XPNPEP3: variants seen among roughly 807,000 people sequenced by gnomAD.
XPNPEP3 encodes the protein xaa-Pro aminopeptidase 3.
In XPNPEP3, 41 loss-of-function variants were observed where a neutral mutation model predicts 60.0. The ratio of observed to expected loss-of-function variants is 0.68; its 90% CI spans 0.53 to 0.89. The LOEUF (loss-of-function observed/expected upper bound fraction) is 0.89. Among genes scored for constraint, XPNPEP3 ranks in the 40% least tolerant of loss-of-function variants. The probability of loss-of-function intolerance (pLI) is 0.00; values close to 1 mark genes in which losing one functional copy is unlikely to be tolerated. For synonymous variants in XPNPEP3, 212 were observed against 223.2 expected (o/e 0.95, Z 0.45); for missense variants, 598 against 638.9 (o/e 0.94, Z 0.69).
chr22:40,923,256 A>G (rs1178903030), intron 8 of XPNPEP3, among the ~76,000 whole-genome samples: 1 of 151,820 alleles, frequency 6.6e-6, no homozygotes, highest in African/African-American at 2.4e-5. Context: ...TAATCCTTTT[A>G]TGGGTTATTC....
intron 9 of XPNPEP3, 152 bp from the exon 10 acceptor site, chr22:40,926,117 A>C: frequency 1.3e-6 from 1 of 777,278 alleles, no homozygotes; most frequent in Non-Finnish European, 2.2e-6. Flanking sequence ...GACATGTATT[A>C]TCTCATTTAA....
intron 6 of XPNPEP3, among the ~76,000 whole-genome samples, chr22:40,909,962 T>C (rs1358062386): frequency 6.6e-6 from 1 of 151,992 alleles, no homozygotes; most frequent in Admixed American, 6.6e-5. Flanking sequence ...TTTTAAGAAA[T>C]TGCTGTTAGC....
chr22:40,881,689 T>A, intron 2 of XPNPEP3, 81 bp from the exon 3 acceptor site: 5 of 1,490,498 alleles, frequency 3.4e-6, no homozygotes, highest in Non-Finnish European at 4.7e-6. Context: ...TGGACTTGAG[T>A]ATTTCCATCT....
intron 4 of XPNPEP3, chr22:40,907,156 T>A (rs2058159056): frequency 2.2e-6 from 1 of 457,182 alleles, no homozygotes; most frequent in South Asian, 1.5e-5. Flanking sequence ...GCACGGTGGC[T>A]CACGCCTGTA....
At position 40,884,889 on chromosome 22, in the gene XPNPEP3, G is replaced by A. The variant is rs139229259; in HGVS notation, c.590-1424G>A. 8.9e-3 allele frequency among the ~76,000 whole-genome samples: 1,355 copies of A among 151,766 alleles called. 20 individuals are homozygous for A. The highest frequency in any genetic ancestry group is 0.032 in the African/African-American group (1,310 of 41,410). On this transcript the variant is annotated intron_variant, in intron 3 of 9. Coordinates refer to ENST00000357137, the MANE Select transcript of XPNPEP3 (RefSeq NM_022098.4). Reference sequence around the variant, plus strand: ...AAAAATACGAAAAAATTAGCTGGACGTGGTGGCATGCGCCTGTAATCCCAG... The same window carrying A: ...AAAAATACGAAAAAATTAGCTGGACATGGTGGCATGCGCCTGTAATCCCAG...
chr22:40,866,718 C>G (rs1181797382), intron 1 of XPNPEP3, among the ~76,000 whole-genome samples: 38 of 152,034 alleles, frequency 2.5e-4, no homozygotes, highest in Non-Finnish European at 2.9e-5. Context: ...TATATGACTT[C>G]GGGCAAAAGA....
intron 3 of XPNPEP3, among the ~76,000 whole-genome samples, chr22:40,882,420 T>C (rs1474066989): frequency 6.6e-6 from 1 of 152,194 alleles, no homozygotes; most frequent in Non-Finnish European, 1.5e-5. Context: ...ACAGGTTCCT[T>C]GTGGCCAGGA....
intron 3 of XPNPEP3, 115 bp from the exon 4 acceptor site, chr22:40,886,198 A>T: frequency 9.9e-7 from 1 of 1,005,476 alleles, no homozygotes; most frequent in Non-Finnish European, 1.5e-6. Flanking sequence ...AACACTTTAG[A>T]GTTCCACGTT....
At chr22:40,860,678 G>T (rs767372693) in intron 1 of XPNPEP3, 58 of 1,220,000 alleles carry the variant, frequency 4.8e-5, no homozygotes, top group Middle Eastern at 3.9e-4. Context: ...TTTAAGACAG[G>T]GTCTTACTTT....
At chr22:40,869,549 A>G (rs953771266) in intron 2 of XPNPEP3, among the ~76,000 whole-genome samples, 4 of 152,192 alleles carry the variant, frequency 2.6e-5, no homozygotes, top group Admixed American at 6.5e-5. Context: ...ATTATCAAAT[A>G]TTTACTTTAA....
intron 3 of XPNPEP3, among the ~76,000 whole-genome samples, chr22:40,884,757 G>A (rs955187049): frequency 2.0e-5 from 3 of 151,506 alleles, no homozygotes; most frequent in Non-Finnish European, 4.4e-5. Context: ...CGGGTGCAGT[G>A]GCTCACGCCT....
chr22:40,860,656 CTT>C (rs202011264), intron 1 of XPNPEP3: 17,991 of 1,074,162 alleles, frequency 0.017, no homozygotes, highest in South Asian at 0.036. Flanking sequence ...TTCCAAATTC[CTT>C]TTTTTTTTTT....
rs140925863 is a variant in XPNPEP3 at position 40,861,465 on chromosome 22, T to C, written c.64+4220T>C. ...TATGTAGTTGTCCATCCCACTATTA[T>C]CAAAAGCCAGGGAAGAGAAAGAAGT... On this transcript the variant is annotated intron_variant, in intron 1 of 9. Transcript: ENST00000357137. The C allele has an allele frequency of 1.2e-4, 189 of 1,614,038 alleles. 1 individual carries two copies. The African/African-American group carries it at 2.5e-3, about 21-fold the overall frequency.
At position 40,929,603 on chromosome 22, in the gene XPNPEP3, A is replaced by G. The variant is rs894611845; in HGVS notation, c.*3168A>G. On this transcript the variant is annotated 3_prime_UTR_variant, in exon 10 of 10. Coordinates refer to ENST00000357137, the MANE Select transcript of XPNPEP3 (RefSeq NM_022098.4). ...TGGTTAGATTCCAGTCAAGTTCTAT[A>G]GGTGTTATTGGTAGGCAGAAAGGCT... 6.6e-6 allele frequency: 1 copy of G among 152,174 alleles called. No homozygotes were observed. Among genetic ancestry groups the G allele is most frequent in the Non-Finnish European group, 1.5e-5 (1 of 68,042 alleles). 9.4% of individuals were successfully genotyped at this position (152,174 alleles called of 1,614,324 possible). A position where few individuals can be genotyped will look rare whatever the true frequency, so the allele number is the denominator to read the frequency against.
chr22:40,864,819 A>G (rs2057970050), intron 1 of XPNPEP3, among the ~76,000 whole-genome samples: 1 of 152,056 alleles, frequency 6.6e-6, no homozygotes, highest in African/African-American at 2.4e-5. Flanking sequence ...CTGACTTCCT[A>G]TTTCATTCTG....
At chr22:40,898,939 T>C (rs1027284701) in intron 4 of XPNPEP3, among the ~76,000 whole-genome samples, 5 of 152,166 alleles carry the variant, frequency 3.3e-5, no homozygotes, top group African/African-American at 9.7e-5. Flanking sequence ...TGCCCATATC[T>C]AGATACATAT....
chr22:40,898,921 A>G (rs2146263302), intron 4 of XPNPEP3, among the ~76,000 whole-genome samples: 1 of 152,316 alleles, frequency 6.6e-6, no homozygotes, highest in East Asian at 1.9e-4. Flanking sequence ...AGGGAGGGGC[A>G]GGACAGTTGC....
intron 7 of XPNPEP3, among the ~76,000 whole-genome samples, chr22:40,919,509 C>T (rs948523540): frequency 6.6e-6 from 1 of 152,180 alleles, no homozygotes; most frequent in Non-Finnish European, 1.5e-5. Flanking sequence ...GGATTATAGG[C>T]ACGTGCCACC....
intron 7 of XPNPEP3, among the ~76,000 whole-genome samples, chr22:40,920,725 A>G (rs989652244): frequency 6.6e-6 from 1 of 152,162 alleles, no homozygotes; most frequent in Non-Finnish European, 1.5e-5. Context: ...CCACACCATA[A>G]ATATTCATTC....
Sources: gnomAD v4.1 joint callset for allele counts (sites outside exome capture counted in the v4.1 genomes callset) on GRCh38, gnomAD v4.1.1 for gene constraint, MANE v1.5 for transcripts, NCBI Gene and HGNC (gene_info 2026-07-23, HGNC 2026-07-21) for gene names.